Variants in AGPAT5 observed in about 807,000 individuals in gnomAD.
AGPAT5 encodes 1-acyl-sn-glycerol-3-phosphate acyltransferase epsilon.
AGPAT5 carries 46 observed loss-of-function variants against 45.6 expected under a neutral mutation model. The observed-to-expected ratio is 1.01, with a 90% CI of 0.80 to 1.29. The LOEUF is 1.29. AGPAT5 is among the 50% of genes most tolerant of loss of function. AGPAT5 has a pLI of 0.00. For missense variants in AGPAT5, 673 were observed against 450.7 expected, an observed-to-expected ratio of 1.49 and a Z score of -4.47; for synonymous variants, 272 against 167.0, an observed-to-expected ratio of 1.63 and a Z score of -4.85.
At chr8:6,718,117 A>G (rs1450059527) in intron 1 of AGPAT5, among the ~76,000 whole-genome samples, 1 of 152,224 alleles carries the variant, frequency 6.6e-6, no homozygotes, top group East Asian at 1.9e-4. Context: ...ATGGTACATC[A>G]TAGATACTCA....
intron 4 of AGPAT5, among the ~76,000 whole-genome samples, chr8:6,733,222 G>T (rs1000453625): frequency 5.3e-5 from 8 of 152,230 alleles, no homozygotes; most frequent in Non-Finnish European, 1.5e-5. Context: ...CGGAGACAAA[G>T]CACCATGATC....
intron 1 of AGPAT5, among the ~76,000 whole-genome samples, chr8:6,716,370 C>G (rs1800329282): frequency 6.6e-6 from 1 of 151,950 alleles, no homozygotes; most frequent in Non-Finnish European, 1.5e-5. Context: ...ACCAGTCTGG[C>G]CAACATTGTG....
chr8:6,725,060 T>C (rs372804054), intron 2 of AGPAT5, 121 bp downstream of exon 2: 2 of 333,666 alleles, frequency 6.0e-6, no homozygotes, highest in African/African-American at 4.3e-5. Flanking sequence ...TGTGCAGATA[T>C]TACACCTGTT....
intron 2 of AGPAT5, among the ~76,000 whole-genome samples, chr8:6,726,461 A>T (rs1036731331): frequency 1.3e-5 from 2 of 152,180 alleles, no homozygotes; most frequent in African/African-American, 4.8e-5. Flanking sequence ...ACTCCACTCG[A>T]TTAATAGAGC....
intron 6 of AGPAT5, among the ~76,000 whole-genome samples, chr8:6,751,919 G>A (rs1306497765): frequency 6.6e-6 from 1 of 151,614 alleles, no homozygotes; most frequent in Non-Finnish European, 1.5e-5. Context: ...TGGCTCACGC[G>A]TGTAATCCCA....
At chr8:6,711,077 G>C (rs1023033167) in intron 1 of AGPAT5, among the ~76,000 whole-genome samples, 1 of 152,018 alleles carries the variant, frequency 6.6e-6, no homozygotes, top group African/African-American at 2.4e-5. Context: ...TATTAAAGAG[G>C]CATTTTAAAA....
chr8:6,723,696 T>C (rs992463115), intron 1 of AGPAT5, among the ~76,000 whole-genome samples: 2 of 152,248 alleles, frequency 1.3e-5, no homozygotes, highest in Non-Finnish European at 2.9e-5. Flanking sequence ...AAACTCATTG[T>C]GCAAATGTTT....
chr8:6,732,931 T>C (rs1800916160), intron 4 of AGPAT5, among the ~76,000 whole-genome samples: 1 of 152,204 alleles, frequency 6.6e-6, no homozygotes, highest in African/African-American at 2.4e-5. Flanking sequence ...TAGAACTAAC[T>C]GCATTTTAAC....
chr8:6,732,315 A>T (rs530353485), intron 3 of AGPAT5, among the ~76,000 whole-genome samples: 31 of 152,332 alleles, frequency 2.0e-4, no homozygotes, highest in African/African-American at 7.5e-4. Context: ...TTAACTGCCA[A>T]CAAAACTAAA....
chr8:6,708,905 C>G lies in AGPAT5; in HGVS notation c.219+18C>G. ...GGGTCCAGGTGAGCCGCCTCCCGCT[C>G]CCGGGTCTCGGCGTCCACCCGAGCT... On this transcript the variant is annotated intron_variant, in intron 1 of 7. Transcript: ENST00000285518. 1.3e-6 allele frequency: 2 copies of G among 1,591,434 alleles called. No individual in the cohort carries two copies. The highest frequency in any genetic ancestry group is 8.5e-7 in the Non-Finnish European group (1 of 1,170,854).
chr8:6,735,417 A>C (rs1801018223), intron 4 of AGPAT5, among the ~76,000 whole-genome samples: 6 of 152,184 alleles, frequency 3.9e-5, no homozygotes, highest in Admixed American at 3.9e-4. Flanking sequence ...CGAGCCTGTG[A>C]AATGTGCTGC....
chr8:6,737,647 C>A (rs2116917412), intron 4 of AGPAT5, among the ~76,000 whole-genome samples: 1 of 152,312 alleles, frequency 6.6e-6, no homozygotes, highest in Non-Finnish European at 1.5e-5. Context: ...GGAGACTTAA[C>A]ACTTTTTCTT....
At chr8:6,740,663 G>A (rs1173742390) in intron 4 of AGPAT5, among the ~76,000 whole-genome samples, 1 of 151,952 alleles carries the variant, frequency 6.6e-6, no homozygotes, top group Non-Finnish European at 1.5e-5. Flanking sequence ...CATTATACCA[G>A]TATCTAAAGA....
At chr8:6,732,786 C>T (rs1800910765) in intron 4 of AGPAT5, 136 bp downstream of exon 4, 4 of 793,012 alleles carry the variant, frequency 5.0e-6, no homozygotes, top group Non-Finnish European at 7.7e-6. Flanking sequence ...GCTGAGGTAA[C>T]AGAAACCCTC....
chr8:6,722,956 C>A (rs577911286), intron 1 of AGPAT5, among the ~76,000 whole-genome samples: 1 of 152,068 alleles, frequency 6.6e-6, no homozygotes, highest in East Asian at 1.9e-4. Context: ...AAAGAAAAGC[C>A]GTATGTTTTC....
rs557658213 is a variant in AGPAT5 at position 6,752,034 on chromosome 8, G to A, written c.746-3017G>A. ...TCTACTAAAAATACAAAAATTAGCC[G>A]GGCACAGTGGTAGGCACCTGTAATT... On this transcript the variant is annotated intron_variant, in intron 6 of 7. Transcript: ENST00000285518. Among the ~76,000 whole-genome samples, 12 of 152,118 alleles carry A rather than the reference G, an allele frequency of 7.9e-5. No individual in the cohort carries two copies. The East Asian group carries it at 1.7e-3, about 22-fold the overall frequency.
At chr8:6,752,497 T>G (rs577628188) in intron 6 of AGPAT5, among the ~76,000 whole-genome samples, 8 of 152,314 alleles carry the variant, frequency 5.3e-5, no homozygotes, top group African/African-American at 1.7e-4. Flanking sequence ...TTCATTGATG[T>G]GATTTAACAG....
In AGPAT5 at chr8:6,755,133, T is replaced by C. The variant is rs768314818; in HGVS notation, c.828T>C (p.His276=). 3.1e-6 allele frequency: 5 copies of C among 1,609,020 alleles called. No individual in the cohort carries two copies. Among genetic ancestry groups the C allele is most frequent in the Non-Finnish European group, 3.4e-6 (4 of 1,179,098 alleles). The change falls in exon 7 of 8, where the codon CAT becomes CAC. Residue 276 remains histidine, a synonymous_variant. Coordinates refer to ENST00000285518, the MANE Select transcript of AGPAT5 (RefSeq NM_018361.5). Reference sequence around the variant, plus strand: ...AAGATGTCCCAGAAGAACAAGAACATATGAGAAGATGGCTGCATGAACGTT... The same window carrying C: ...AAGATGTCCCAGAAGAACAAGAACACATGAGAAGATGGCTGCATGAACGTT... ...DKKDVPEEQE[H]MRRWLHERFE... is the part of the protein sequence containing the mutation.
chr8:6,718,735 C>T (rs1011566910), intron 1 of AGPAT5, among the ~76,000 whole-genome samples: 7 of 152,202 alleles, frequency 4.6e-5, no homozygotes, highest in Admixed American at 3.9e-4. Context: ...ATTTGCTGTT[C>T]AGACTAAACT....
Sources: allele counts gnomAD v4.1 joint callset (sites outside exome capture counted in the v4.1 genomes callset), GRCh38; gene constraint gnomAD v4.1.1; transcripts MANE v1.5; gene names NCBI Gene and HGNC (gene_info 2026-07-23, HGNC 2026-07-21).